MAGT1: variants seen among roughly 807,000 people sequenced by gnomAD.
The protein encoded by MAGT1 is magnesium transporter 1.
A neutral mutation model predicts 28.4 loss-of-function variants in MAGT1; 4 were observed. The ratio of observed to expected loss-of-function variants is 0.14; its 90% CI spans 0.07 to 0.32. The LOEUF (loss-of-function observed/expected upper bound fraction) is 0.32. Ranked by LOEUF, MAGT1 falls within the 10% of genes least tolerant of loss-of-function variation. MAGT1 has a pLI of 1.00. For missense variants in MAGT1, 193 were observed against 264.5 expected, an observed-to-expected ratio of 0.73 and a Z score of 1.88; for synonymous variants, 89 against 89.7, an observed-to-expected ratio of 0.99 and a Z score of 0.04.
At chrX:77,894,531 A>G (rs1478650002) in intron 1 of MAGT1, among the ~76,000 whole-genome samples, 1 of 112,124 alleles carries the variant, frequency 8.9e-6, no homozygotes, top group Non-Finnish European at 1.9e-5. Flanking sequence ...TTCTAAATTT[A>G]AGACTCTTTT....
chrX:77,832,194 T>C lies in MAGT1; in HGVS notation c.902-1299A>G, dbSNP rs1569547788. 3.6e-5 allele frequency among the ~76,000 whole-genome samples: 4 copies of C among 111,473 alleles called. 1 individual carries two copies. The Admixed American group carries it at 3.9e-4, about 11-fold the overall frequency. The stretch of plus-strand genomic sequence containing the variant: ...AAATACTAATCCCCAAATGCGCAAG[T>C]ATGGATTGTCATGATGTGAAGCTCT... On this transcript the variant is annotated intron_variant, in intron 8 of 9. Coordinates refer to ENST00000618282, the MANE Select transcript of MAGT1 (RefSeq NM_001367916.1).
In MAGT1 at chrX:77,857,410, C is replaced by T. The variant is rs1557216098; in HGVS notation, c.478G>A (p.Gly160Ser). Residue 160 changes from glycine to serine, a missense_variant, in exon 4 of 10, where the codon GGT becomes AGT. Coordinates refer to ENST00000618282, the MANE Select transcript of MAGT1 (RefSeq NM_001367916.1). ...RGDTYELQVR[G>S]FSAEQIARWI... ...CGGGCAATCTGCTCAGCTGAAAAAC[C>T]CCGCACCTGTAACTCATATGTATCA... The T allele has an allele frequency of 1.7e-6, 2 of 1,211,725 alleles. No homozygotes were observed. Among genetic ancestry groups the T allele is most frequent in the Non-Finnish European group, 2.2e-6 (2 of 895,439 alleles).
intron 2 of MAGT1, among the ~76,000 whole-genome samples, chrX:77,872,904 T>C (rs1241726399): frequency 8.9e-6 from 1 of 112,437 alleles, no homozygotes; most frequent in Non-Finnish European, 1.9e-5. Context: ...TTCATGTTGC[T>C]GTTGTTTAAT....
intron 3 of MAGT1, among the ~76,000 whole-genome samples, chrX:77,862,283 G>C (rs181296949): frequency 1.2e-3 from 130 of 111,021 alleles, no homozygotes; most frequent in African/African-American, 3.0e-3. Flanking sequence ...CTCTAAAATA[G>C]AGTAATGGAA....
chrX:77,853,824 C>T (rs1416915080), intron 7 of MAGT1, 77 bp downstream of exon 7: 1 of 838,217 alleles, frequency 1.2e-6, no homozygotes, highest in Non-Finnish European at 1.8e-6. Flanking sequence ...CAGCCCCAGC[C>T]AAATGCTGTA....
chrX:77,860,099 T>C (rs1557216350), intron 3 of MAGT1, among the ~76,000 whole-genome samples: 3 of 111,938 alleles, frequency 2.7e-5, no homozygotes, highest in African/African-American at 9.7e-5. Context: ...TGTTTTTTTT[T>C]CTTGAGAAGG....
intron 7 of MAGT1, among the ~76,000 whole-genome samples, chrX:77,844,345 CTTT>C (rs1186261156): frequency 9.0e-6 from 1 of 111,083 alleles, no homozygotes; most frequent in Admixed American, 9.7e-5. Context: ...CTCTTTTCTT[CTTT>C]ATTAGTCTTG....
chrX:77,886,648 C>T (rs1557219036), intron 1 of MAGT1, among the ~76,000 whole-genome samples: 1 of 109,550 alleles, frequency 9.1e-6, no homozygotes, highest in Non-Finnish European at 1.9e-5. Flanking sequence ...AGTTAGATTC[C>T]ATCTCTAAAA....
At chrX:77,836,107 G>A (rs2076917137) in intron 8 of MAGT1, among the ~76,000 whole-genome samples, 1 of 110,902 alleles carries the variant, frequency 9.0e-6, no homozygotes, top group Non-Finnish European at 1.9e-5. Flanking sequence ...CCCAGCCTTG[G>A]AAGTCATTAA....
chrX:77,835,325 C>T lies in MAGT1; in HGVS notation c.902-4430G>A, dbSNP rs192485678. ...ATGGCAAGTAGGCATAAAAAAACTA[C>T]TCAACATCAATGATCATCAGAGAAA... On this transcript the variant is annotated intron_variant, in intron 8 of 9. Coordinates refer to ENST00000618282, the MANE Select transcript of MAGT1 (RefSeq NM_001367916.1). Among the ~76,000 whole-genome samples, 265 of 111,640 alleles carry T rather than the reference C, an allele frequency of 2.4e-3. 2 individuals are homozygous for T. Among genetic ancestry groups the T allele is most frequent in the African/African-American group, 8.2e-3 (251 of 30,784 alleles).
chrX:77,849,494 G>A (rs2076961107), intron 7 of MAGT1, among the ~76,000 whole-genome samples: 1 of 111,454 alleles, frequency 9.0e-6, no homozygotes, highest in Admixed American at 9.7e-5. Context: ...GAGGAATGAT[G>A]ATGGAAAATG....
At chrX:77,871,478 TG>T (rs2077020192) in intron 2 of MAGT1, among the ~76,000 whole-genome samples, 1 of 110,885 alleles carries the variant, frequency 9.0e-6, no homozygotes, top group Non-Finnish European at 1.9e-5. Context: ...GAGGCTGAGG[TG>T]GGTGGATCAC....
chrX:77,849,374 C>T lies in MAGT1; in HGVS notation c.826+4527G>A, dbSNP rs1367120416. 2.7e-5 allele frequency among the ~76,000 whole-genome samples: 3 copies of T among 110,401 alleles called. No homozygotes were observed. In the Admixed American group the frequency reaches 2.9e-4, roughly 11 times the overall value. ...GTATTATAGGCATGAGCCACCGCAC[C>T]CAGCCCTGTAGGATTCCATTTATGT... On this transcript the variant is annotated intron_variant, in intron 7 of 9. Transcript: ENST00000618282.
At chrX:77,844,089 T>C (rs983731848) in intron 7 of MAGT1, among the ~76,000 whole-genome samples, 1 of 111,521 alleles carries the variant, frequency 9.0e-6, no homozygotes, top group East Asian at 2.8e-4. Flanking sequence ...GACTTTTTTT[T>C]GGTTGGTAAG....
chrX:77,831,576 A>G (rs2076898677), intron 8 of MAGT1, among the ~76,000 whole-genome samples: 1 of 98,182 alleles, frequency 1.0e-5, no homozygotes. Flanking sequence ...AAAATCACCC[A>G]TTTGGTTTTT....
chrX:77,839,296 T>C lies in MAGT1; in HGVS notation c.901+1950A>G, dbSNP rs189669884. ...TCCAGCCTGGGCGACAGAGCAAGAC[T>C]CTGTCTTAACAACAACAACAACAAC... On this transcript the variant is annotated intron_variant, in intron 8 of 9. Coordinates refer to ENST00000618282, the MANE Select transcript of MAGT1 (RefSeq NM_001367916.1). Among the ~76,000 whole-genome samples the C allele has an allele frequency of 3.8e-5, 4 of 105,462 alleles. No individual in the cohort carries two copies. The East Asian group carries it at 1.2e-3, about 32-fold the overall frequency. The allele number at this position is 105,462 out of a possible 115,157, so 91.6% of individuals were successfully genotyped here.
chrX:77,830,279 G>A (rs782662456), intron 9 of MAGT1, among the ~76,000 whole-genome samples: 3 of 112,145 alleles, frequency 2.7e-5, no homozygotes, highest in African/African-American at 6.5e-5. Context: ...CTATGAACAC[G>A]CCATTACACT....
intron 1 of MAGT1, among the ~76,000 whole-genome samples, chrX:77,884,285 G>A (rs782524142): frequency 8.0e-5 from 9 of 111,958 alleles, no homozygotes; most frequent in Non-Finnish European, 1.7e-4. Context: ...TCACAATGAC[G>A]TAATATTTTA....
chrX:77,845,835 G>A (rs1206366934), intron 7 of MAGT1, among the ~76,000 whole-genome samples: 2 of 111,547 alleles, frequency 1.8e-5, no homozygotes, highest in African/African-American at 6.5e-5. Flanking sequence ...TCCCTTTGTG[G>A]GTAACCCGGC....
Sources: gnomAD v4.1 joint callset for allele counts (sites outside exome capture counted in the v4.1 genomes callset) on GRCh38, gnomAD v4.1.1 for gene constraint, MANE v1.5 for transcripts, NCBI Gene and HGNC (gene_info 2026-07-23, HGNC 2026-07-21) for gene names.